ZNF318: variants seen among roughly 807,000 people sequenced by gnomAD.
The protein encoded by ZNF318 is zinc finger protein 318.
Under a neutral mutation model 124.2 loss-of-function variants are expected in ZNF318, and 51 were observed. The ratio of observed to expected loss-of-function variants is 0.41; its 90% CI spans 0.33 to 0.52. The LOEUF (loss-of-function observed/expected upper bound fraction) is 0.52. Among genes scored for constraint, ZNF318 ranks in the 20% least tolerant of loss-of-function variants. ZNF318 has a pLI of 0.23. For missense variants in ZNF318, 2,815 were observed against 2,811.2 expected, an observed-to-expected ratio of 1.00 and a Z score of -0.03; for synonymous variants, 1,090 against 1,040.7, an observed-to-expected ratio of 1.05 and a Z score of -0.91.
At chr6:43,366,909 T>G (rs1310141088) in intron 1 of ZNF318, among the ~76,000 whole-genome samples, 1 of 152,046 alleles carries the variant, frequency 6.6e-6, no homozygotes, top group Non-Finnish European at 1.5e-5. Context: ...TGGAGTGCAG[T>G]GGCACGATCT....
chr6:43,340,423 G>T lies in ZNF318; in HGVS notation c.3575C>A (p.Thr1192Lys). Residue 1192 changes from threonine (T) to lysine (K), a missense_variant, in exon 10 of 10, where the codon ACA becomes AAA. By Grantham distance (78) the Thr-to-Lys change is moderately conservative. Around this residue, in one of 4 missense-constraint regions of ZNF318, gnomAD observed 500 missense variants for 605.2 expected, o/e 0.83. Transcript: ENST00000361428. ...TAGCTCACTCTGCCGTCGCCGTTCT[G>T]TCTCTAGGACCACAGCCAAGCCAGC... Reference protein sequence around the residue: ...RQAGLAVVLETERRRQSELKR... With the variant: ...RQAGLAVVLEKERRRQSELKR... The T allele has an allele frequency of 6.2e-7, 1 of 1,613,894 alleles. No homozygotes were observed. Among genetic ancestry groups the T allele is most frequent in the African/African-American group, 1.3e-5 (1 of 74,940 alleles).
In ZNF318 at chr6:43,338,624, T is replaced by C. The variant is rs745495988; in HGVS notation, c.5374A>G (p.Ile1792Val). 2 of 1,614,160 alleles carry C rather than the reference T, an allele frequency of 1.2e-6. No homozygotes were observed. The highest frequency in any genetic ancestry group is 1.1e-5 in the South Asian group (1 of 91,082). The change falls in exon 10 of 10, where the codon ATA becomes GTA. Residue 1792 changes from isoleucine (I) to valine (V), a missense_variant. This residue lies in a region of ZNF318 where 927 missense variants were observed against 820.6 expected (regional missense o/e 1.13). Coordinates refer to ENST00000361428, the MANE Select transcript of ZNF318 (RefSeq NM_014345.3). ...CTGGTACTTACTCCCTCATCAACTA[T>C]CCCCTCAGACAGCTCCTTTACCCTT... Reference protein sequence around the residue: ...KERVKELSEGIVDEGVSTSIG... With the variant: ...KERVKELSEGVVDEGVSTSIG...
rs753526868 is a variant in ZNF318 at position 43,340,010 on chromosome 6, C to G, written c.3988G>C (p.Val1330Leu). ...GGCATCCAAGGGCTGGTATGTGCAACAACAGTTTTCCCAGAGAGCTTGATT... is the reference window on the plus strand; with the variant it reads ...GGCATCCAAGGGCTGGTATGTGCAAGAACAGTTTTCCCAGAGAGCTTGATT... ...IKIKLSGKTV[V>L]AHTSPWMPVV... Residue 1330 changes from valine (V) to leucine (L), a missense_variant, in exon 10 of 10, where the codon GTT (valine) becomes CTT (leucine). Physicochemically the swap from Val to Leu is conservative, Grantham distance 32. Around this residue, in one of 4 missense-constraint regions of ZNF318, gnomAD observed 500 missense variants for 605.2 expected, o/e 0.83. Coordinates refer to ENST00000361428, the MANE Select transcript of ZNF318 (RefSeq NM_014345.3). 17 of 1,614,200 alleles carry G rather than the reference C, an allele frequency of 1.1e-5. No individual in the cohort carries two copies. The South Asian group carries it at 1.5e-4, about 15-fold the overall frequency.
chr6:43,363,076 A>G (rs1233931596), intron 2 of ZNF318, among the ~76,000 whole-genome samples: 2 of 152,206 alleles, frequency 1.3e-5, no homozygotes, highest in African/African-American at 4.8e-5. Context: ...TTCTACAAAG[A>G]AGACTGCTGC....
At chr6:43,341,300 T>A (rs1385617211) in intron 8 of ZNF318, among the ~76,000 whole-genome samples, 1 of 152,208 alleles carries the variant, frequency 6.6e-6, no homozygotes, top group African/African-American at 2.4e-5. Flanking sequence ...GAGGAAACTA[T>A]CTTCTGTAAA....
rs1234379068 is a variant in ZNF318, at chr6:43,369,256, C to T, written c.110G>A (p.Arg37His). 23 of 1,260,922 alleles carry T rather than the reference C, an allele frequency of 1.8e-5. No homozygotes were observed. The highest frequency in any genetic ancestry group is 2.3e-5 in the Non-Finnish European group (23 of 1,001,896). The allele number at this position is 1,260,922 out of a possible 1,614,324, so 78.1% of individuals were successfully genotyped here. Reference sequence around the variant, plus strand: ...GGGCGGAGGCGGCGGTGAGCTGCGGCGAGCCGGGCCTGAGGAGGAGCCAGA... The same window carrying T: ...GGGCGGAGGCGGCGGTGAGCTGCGGTGAGCCGGGCCTGAGGAGGAGCCAGA... ...RSSGSSSGPA[R>H]RSSPPPPPSG... The change falls in exon 1 of 10, where the codon CGC (arginine) becomes CAC (histidine). Residue 37 changes from arginine to histidine, a missense_variant. Transcript: ENST00000361428.
At chr6:43,342,560 G>A (rs1562129431) in intron 7 of ZNF318, 116 bp downstream of exon 7, 14 of 1,117,714 alleles carry the variant, frequency 1.3e-5, no homozygotes, top group East Asian at 2.5e-5. Context: ...TCTTCAGACT[G>A]GGGCTCCTGC....
intron 4 of ZNF318, 36 bp from the exon 5 acceptor site, chr6:43,352,512 T>C: frequency 6.4e-7 from 1 of 1,556,024 alleles, no homozygotes; most frequent in Non-Finnish European, 8.9e-7. Flanking sequence ...GTCCATCTCC[T>C]CCAACATTCT....
chr6:43,337,826 C>A lies in ZNF318; in HGVS notation c.6172G>T (p.Asp2058Tyr). 1 of 1,614,130 alleles carries A rather than the reference C, an allele frequency of 6.2e-7. No individual in the cohort carries two copies. The highest frequency in any genetic ancestry group is 1.1e-5 in the South Asian group (1 of 91,072). ...SVSPIGCNSS[D>Y]PADFEPIPSF... ...GGGATTGGTTCGAAGTCAGCGGGAT[C>A]GGAGGAATTACACCCTATAGGTGAT... Residue 2058 changes from aspartate to tyrosine, a missense_variant, in exon 10 of 10, where the codon GAT becomes TAT. Transcript: ENST00000361428.
rs1334983111 is a variant in ZNF318 at position 43,337,108 on chromosome 6, G to A, written c.*50C>T. The A allele has an allele frequency of 2.0e-6, 3 of 1,479,772 alleles. No homozygotes were observed. The highest frequency in any genetic ancestry group is 2.7e-6 in the Non-Finnish European group (3 of 1,107,646). 91.7% of individuals were successfully genotyped at this position (1,479,772 alleles called of 1,614,324 possible). On this transcript the variant is annotated 3_prime_UTR_variant, in exon 10 of 10. Coordinates refer to ENST00000361428, the MANE Select transcript of ZNF318 (RefSeq NM_014345.3). ...CTAGTCTTGGATCATCTGGGCATCT[G>A]ATTTCTAGAAGCCAATGATTCACTC...
chr6:43,339,462 G>C lies in ZNF318; in HGVS notation c.4536C>G (p.Ala1512=). 2 of 1,614,132 alleles carry C rather than the reference G, an allele frequency of 1.2e-6. No homozygotes were observed. Among genetic ancestry groups the C allele is most frequent in the Non-Finnish European group, 1.7e-6 (2 of 1,180,026 alleles). ...VAIMASAQPA[A]IPSDETAPGV... is the part of the protein sequence containing the mutation. Reference sequence around the variant, plus strand: ...CAGGAGCTGTCTCATCAGAAGGAATGGCAGCTGGCTGTGCTGAGGCCATGA... The same window carrying C: ...CAGGAGCTGTCTCATCAGAAGGAATCGCAGCTGGCTGTGCTGAGGCCATGA... The change falls in exon 10 of 10, where the codon GCC becomes GCG. Residue 1512 remains alanine (A), a synonymous_variant. Transcript: ENST00000361428. The surrounding 1 kb of genome is among the most constrained non-coding windows in gnomAD (Gnocchi z 4.2).
chr6:43,365,771 G>A (rs1779752711), intron 1 of ZNF318, among the ~76,000 whole-genome samples: 1 of 152,196 alleles, frequency 6.6e-6, no homozygotes, highest in Non-Finnish European at 1.5e-5. Context: ...GCAATGAGCA[G>A]GACCTTGTCT....
intron 2 of ZNF318, among the ~76,000 whole-genome samples, chr6:43,358,142 A>G (rs1275744737): frequency 6.6e-6 from 1 of 152,212 alleles, no homozygotes; most frequent in Non-Finnish European, 1.5e-5. Flanking sequence ...TAGCTTCTCA[A>G]AGCTCCACCC....
intron 6 of ZNF318, among the ~76,000 whole-genome samples, chr6:43,345,864 T>C (rs1300218143): frequency 6.6e-6 from 1 of 152,148 alleles, no homozygotes; most frequent in Non-Finnish European, 1.5e-5. Flanking sequence ...ACTAGCACTT[T>C]GGGAGGCTGA....
intron 6 of ZNF318, among the ~76,000 whole-genome samples, chr6:43,345,029 G>A (rs1022200207): frequency 1.3e-5 from 2 of 151,978 alleles, no homozygotes; most frequent in Non-Finnish European, 2.9e-5. Context: ...CAGATTACTT[G>A]AGCTTAGGAG....
intron 3 of ZNF318, 35 bp downstream of exon 3, chr6:43,357,091 C>G: frequency 8.9e-6 from 14 of 1,568,712 alleles, no homozygotes; most frequent in Non-Finnish European, 1.2e-5. Context: ...ATTAGGGAGA[C>G]TAGCAAGAGG....
intron 5 of ZNF318, among the ~76,000 whole-genome samples, chr6:43,349,897 T>C (rs760115799): frequency 1.3e-5 from 2 of 151,940 alleles, no homozygotes; most frequent in Non-Finnish European, 2.9e-5. Flanking sequence ...TACAGTGAGC[T>C]ATGACAGCAC....
intron 1 of ZNF318, among the ~76,000 whole-genome samples, chr6:43,367,046 T>C (rs1779771440): frequency 6.6e-6 from 1 of 152,172 alleles, no homozygotes; most frequent in Non-Finnish European, 1.5e-5. Context: ...GAGACGGTGT[T>C]TCACCGTGTT....
In ZNF318 at chr6:43,354,683, C is replaced by T. The variant is rs753586964; in HGVS notation, c.2651G>A (p.Arg884His). 3.7e-6 allele frequency: 6 copies of T among 1,607,930 alleles called. No homozygotes were observed. The highest frequency in any genetic ancestry group is 3.3e-5 in the South Asian group (3 of 90,724). ...ATTCACCTTTTGCTTCTGGGAAGCACGGTTCTTCTCATCAGAGATCTTCTC... is the reference window on the plus strand; with the variant it reads ...ATTCACCTTTTGCTTCTGGGAAGCATGGTTCTTCTCATCAGAGATCTTCTC... ...NPEKISDEKN[R>H]ASQKQKVIEE... The change falls in exon 4 of 10, where the codon CGT becomes CAT. Residue 884 changes from arginine to histidine, a missense_variant. By Grantham distance (29) the Arg-to-His change is conservative. Transcript: ENST00000361428.
Sources: allele counts gnomAD v4.1 joint callset (sites outside exome capture counted in the v4.1 genomes callset), GRCh38; gene constraint gnomAD v4.1.1; regional missense constraint gnomAD v4.1.1; non-coding constraint Gnocchi (gnomAD v3.1); transcripts MANE v1.5; gene names NCBI Gene and HGNC (gene_info 2026-07-23, HGNC 2026-07-21).